GOLGA1: variants seen among roughly 807,000 people sequenced by gnomAD.
The protein encoded by GOLGA1 is golgin A1.
A neutral mutation model predicts 119.7 loss-of-function variants in GOLGA1; 63 were observed. The observed-to-expected ratio is 0.53, with a 90% CI of 0.43 to 0.65. The LOEUF is 0.65. GOLGA1 is among the 30% of genes least tolerant of loss of function. The pLI is 0.00. For missense variants in GOLGA1, 798 were observed against 912.8 expected (o/e 0.87, Z 1.62); for synonymous variants, 318 against 333.4 (o/e 0.95, Z 0.50).
chr9:124,904,397 T>C (rs1464371916), intron 12 of GOLGA1, among the ~76,000 whole-genome samples: 1 of 152,174 alleles, frequency 6.6e-6, no homozygotes, highest in Non-Finnish European at 1.5e-5. Flanking sequence ...TCAAAAAGGA[T>C]ATTCAGAAAC....
chr9:124,934,374 G>C (rs1830825990), intron 3 of GOLGA1, among the ~76,000 whole-genome samples: 1 of 152,208 alleles, frequency 6.6e-6, no homozygotes, highest in African/African-American at 2.4e-5. Flanking sequence ...GGGGCTGCCA[G>C]AGGAGAAGGT....
chr9:124,941,672 C>T (rs1302925871), upstream of GOLGA1, among the ~76,000 whole-genome samples: 3 of 152,230 alleles, frequency 2.0e-5, no homozygotes, highest in Non-Finnish European at 2.9e-5. Context: ...TACATAACGT[C>T]CAGCAGAACC....
At chr9:124,931,240 T>C (rs973011191) in intron 4 of GOLGA1, 76 bp downstream of exon 4, 4 of 769,614 alleles carry the variant, frequency 5.2e-6, no homozygotes, top group Non-Finnish European at 2.4e-6. Flanking sequence ...AGTCATCCTA[T>C]ATGGCTATTT....
At chr9:124,900,232 A>G in intron 13 of GOLGA1, 2 of 398,996 alleles carry the variant, frequency 5.0e-6, no homozygotes, top group Non-Finnish European at 9.1e-6. Flanking sequence ...GTAAGGTGGA[A>G]AGGAGCTGCT....
intron 10 of GOLGA1, among the ~76,000 whole-genome samples, chr9:124,914,302 C>A (rs1368833849): frequency 1.3e-5 from 2 of 152,230 alleles, no homozygotes; most frequent in East Asian, 3.9e-4. Context: ...TCGAGACCAT[C>A]CTGGCTAACA....
chr9:124,941,703 A>C (rs1831030501), upstream of GOLGA1, among the ~76,000 whole-genome samples: 1 of 152,208 alleles, frequency 6.6e-6, no homozygotes, highest in Non-Finnish European at 1.5e-5. Context: ...TATGTAATGC[A>C]CTTAAAAACG....
intron 7 of GOLGA1, 120 bp downstream of exon 7, chr9:124,926,589 T>TA: frequency 1.3e-6 from 1 of 767,464 alleles, no homozygotes; most frequent in South Asian, 1.4e-5. Context: ...TATCTAATCA[T>TA]AAACTGTCCT....
intron 10 of GOLGA1, among the ~76,000 whole-genome samples, chr9:124,914,255 TGGGAAG>T (rs1830395453): frequency 6.6e-6 from 1 of 152,138 alleles, no homozygotes; most frequent in Non-Finnish European, 1.5e-5. Flanking sequence ...CCCAGCACTT[TGGGAAG>T]CTGAGGTGGG....
Position 124,881,372 on chromosome 9 carries a change from T to A in GOLGA1, c.2137-115A>T. On this transcript the variant is annotated intron_variant, in intron 21 of 22. Transcript: ENST00000373555. This position sits in a 1 kb window ranked among gnomAD's most constrained non-coding sequence, Gnocchi z 4.9. ...TTGGTTAGCAGGACCAGGTGGTGGG[T>A]GACGCTCTGGCACTCTGAAGTTTGG... is the stretch of plus-strand genomic sequence containing the variant. The A allele has an allele frequency of 2.7e-6, 2 of 737,704 alleles. No homozygotes were observed. Among genetic ancestry groups the A allele is most frequent in the Non-Finnish European group, 5.0e-6 (2 of 399,694 alleles). 45.7% of individuals were successfully genotyped at this position (737,704 alleles called of 1,614,324 possible).
In GOLGA1 at chr9:124,921,840, C is replaced by T. The variant is rs766356259; in HGVS notation, c.614G>A (p.Arg205Gln). ...CTGGGTACGACTAAGTTCTCTGGTT[C>T]GTGCCTCCAATTCTTGTTCCATTTT... The part of the protein sequence containing the change: ...LGKMEQELEA[R>Q]TRELSRTQEE... The change falls in exon 9 of 23, where the codon CGA becomes CAA. Residue 205 changes from arginine (R) to glutamine (Q), a missense_variant. Coordinates refer to ENST00000373555, the MANE Select transcript of GOLGA1 (RefSeq NM_002077.4). The T allele has an allele frequency of 1.9e-5, 30 of 1,613,352 alleles. No homozygotes were observed. The highest frequency in any genetic ancestry group is 2.5e-5 in the Non-Finnish European group (29 of 1,179,410).
At position 124,879,735 on chromosome 9, in the gene GOLGA1, A is replaced by AT. The variant is rs1258010088; in HGVS notation, c.*794dup. 7.3e-6 allele frequency: 1 copy of AT among 137,582 alleles called. No individual in the cohort carries two copies. The highest frequency in any genetic ancestry group is 1.6e-5 in the Non-Finnish European group (1 of 62,946). 8.5% of individuals were successfully genotyped at this position (137,582 alleles called of 1,614,324 possible). Reference sequence around the variant, plus strand: ...GATTTTAAGAACACCAGTTAAATGGATTTTATAGTACAGAAGACATGTTTA... The same window carrying AT: ...GATTTTAAGAACACCAGTTAAATGGATTTTTATAGTACAGAAGACATGTTTA... On this transcript the variant is annotated 3_prime_UTR_variant, in exon 23 of 23. Transcript: ENST00000373555.
chr9:124,908,507 A>G, intron 11 of GOLGA1, 35 bp from the exon 12 acceptor site: 1 of 1,055,084 alleles, frequency 9.5e-7, no homozygotes, highest in African/African-American at 1.5e-5. Context: ...GAAGACTATC[A>G]TTCCTCAGTT....
chr9:124,898,397 A>C (rs1352016346), intron 15 of GOLGA1, 152 bp downstream of exon 15: 2 of 590,684 alleles, frequency 3.4e-6, no homozygotes, highest in East Asian at 2.9e-5. Flanking sequence ...AACTTAATGA[A>C]GTGGCAATTT....
In GOLGA1 at chr9:124,880,446, A is replaced by T; in HGVS notation, c.*84T>A. 1 of 800,248 alleles carries T rather than the reference A, an allele frequency of 1.2e-6. No individual in the cohort carries two copies. Among genetic ancestry groups the T allele is most frequent in the Non-Finnish European group, 2.2e-6 (1 of 445,330 alleles). 49.6% of individuals were successfully genotyped at this position (800,248 alleles called of 1,614,324 possible). On this transcript the variant is annotated 3_prime_UTR_variant, in exon 23 of 23. Transcript: ENST00000373555. The stretch of plus-strand genomic sequence containing the variant: ...ACAAAATACTGCAGTTACAGTGATT[A>T]AAAACCCACCCAGACTGGTGTGTCA...
intron 19 of GOLGA1, chr9:124,887,454 T>C (rs1829749213): frequency 1.3e-5 from 2 of 152,218 alleles, no homozygotes; most frequent in African/African-American, 2.4e-5. Flanking sequence ...CACATTTGTT[T>C]TGTACACTTT....
chr9:124,885,767 AG>A (rs1452278509), intron 19 of GOLGA1, among the ~76,000 whole-genome samples: 2 of 152,016 alleles, frequency 1.3e-5, no homozygotes, highest in East Asian at 3.9e-4. Flanking sequence ...AGGGGTAATG[AG>A]GGGCCACACC....
intron 11 of GOLGA1, among the ~76,000 whole-genome samples, chr9:124,910,291 C>T (rs1830316087): frequency 6.6e-6 from 1 of 151,446 alleles, no homozygotes; most frequent in South Asian, 2.1e-4. Flanking sequence ...TCTTGAACTC[C>T]TGACCTCAGG....
chr9:124,912,602 G>A (rs976468286), intron 10 of GOLGA1, among the ~76,000 whole-genome samples: 10 of 152,154 alleles, frequency 6.6e-5, no homozygotes, highest in African/African-American at 1.9e-4. Context: ...GAGTACAGTG[G>A]CGCGATCTCG....
At chr9:124,926,212 A>G (rs1006384254) in intron 7 of GOLGA1, among the ~76,000 whole-genome samples, 1 of 152,236 alleles carries the variant, frequency 6.6e-6, no homozygotes, top group African/African-American at 2.4e-5. Flanking sequence ...AGGCAAAAAG[A>G]TGAAGAGGTT....
Sources: gnomAD v4.1 joint callset for allele counts (sites outside exome capture counted in the v4.1 genomes callset) on GRCh38, gnomAD v4.1.1 for gene constraint, Gnocchi (gnomAD v3.1) non-coding constraint, MANE v1.5 for transcripts, NCBI Gene and HGNC (gene_info 2026-07-23, HGNC 2026-07-21) for gene names.